PARL: variants seen among roughly 807,000 people sequenced by gnomAD.
PARL encodes presenilin-associated rhomboid-like protein, mitochondrial.
A neutral mutation model predicts 51.6 loss-of-function variants in PARL; 44 were observed. That is an observed-to-expected ratio of 0.85 (90% CI 0.67 to 1.10). The LOEUF (loss-of-function observed/expected upper bound fraction) is 1.10. Among genes scored for constraint, PARL ranks in the 50% least tolerant of loss-of-function variants. The pLI, the probability that PARL is intolerant of heterozygous loss-of-function variation, is 0.00. For missense variants in PARL, 441 were observed against 469.5 expected, an observed-to-expected ratio of 0.94 and a Z score of 0.56; for synonymous variants, 172 against 164.0, an observed-to-expected ratio of 1.05 and a Z score of -0.37.
intron 7 of PARL, among the ~76,000 whole-genome samples, chr3:183,840,000 G>A (rs1368528645): frequency 6.6e-6 from 1 of 152,166 alleles, no homozygotes; most frequent in Non-Finnish European, 1.5e-5. Context: ...AAAGTGCTGG[G>A]ATTACAGGTG....
chr3:183,850,454 C>A (rs1730420811), intron 4 of PARL, among the ~76,000 whole-genome samples: 1 of 152,174 alleles, frequency 6.6e-6, no homozygotes, highest in Non-Finnish European at 1.5e-5. Context: ...GTAATATGAT[C>A]TCTCTGTAAC....
At position 183,842,625 on chromosome 3, in the gene PARL, T is replaced by C. The variant is rs980792406; in HGVS notation, c.608-178A>G. ...GAGTTCAAGACCAGCCTGGCCAACA[T>C]AGTCAAACCCCATCTCTATTAAAAA... On this transcript the variant is annotated intron_variant, in intron 5 of 9. Coordinates refer to ENST00000317096, the MANE Select transcript of PARL (RefSeq NM_018622.7). 1.1e-4 allele frequency among the ~76,000 whole-genome samples: 17 copies of C among 151,652 alleles called. No homozygotes were observed. The South Asian group carries it at 1.5e-3, about 13-fold the overall frequency.
At chr3:183,872,616 C>A (rs1360335048) in intron 1 of PARL, among the ~76,000 whole-genome samples, 2 of 152,274 alleles carry the variant, frequency 1.3e-5, no homozygotes, top group Middle Eastern at 3.4e-3. Context: ...AATCCCAAAT[C>A]TATTTCCAAC....
intron 4 of PARL, among the ~76,000 whole-genome samples, chr3:183,858,921 C>T (rs1731473827): frequency 6.6e-6 from 1 of 151,794 alleles, no homozygotes; most frequent in Non-Finnish European, 1.5e-5. Context: ...AAAAAAAATC[C>T]CCAAACAAAC....
intron 4 of PARL, chr3:183,846,796 T>G (rs1730003111): frequency 5.4e-6 from 1 of 184,494 alleles, no homozygotes; most frequent in African/African-American, 2.4e-5. Flanking sequence ...ACTTAACAAA[T>G]TTAAAAGAAA....
intron 4 of PARL, chr3:183,856,457 G>T (rs1731195518): frequency 6.6e-6 from 1 of 152,316 alleles, no homozygotes; most frequent in Non-Finnish European, 1.5e-5. Context: ...AACCAGGCAG[G>T]TGCAAAGATC....
In PARL at chr3:183,852,474, C is replaced by T. The variant is rs192473223; in HGVS notation, c.512-8148G>A. Among the ~76,000 whole-genome samples the T allele has an allele frequency of 1.2e-3, 179 of 152,076 alleles. 1 individual carries two copies. Among genetic ancestry groups the T allele is most frequent in the Non-Finnish European group, 2.0e-3 (139 of 67,990 alleles). On this transcript the variant is annotated intron_variant, in intron 4 of 9. Transcript: ENST00000317096. ...ACTCACAGAGACAGAAAGTAGAATG[C>T]GGTTACTAGTGGCTGAGGGGAGGGG...
At chr3:183,870,347 T>C (rs1034450631) in intron 1 of PARL, among the ~76,000 whole-genome samples, 3 of 150,260 alleles carry the variant, frequency 2.0e-5, no homozygotes, top group African/African-American at 7.4e-5. Flanking sequence ...AAAAGCCAAC[T>C]CTATCAAAAA....
chr3:183,862,742 C>G lies in PARL; in HGVS notation c.511+11G>C. The G allele has an allele frequency of 6.2e-7, 1 of 1,609,520 alleles. No homozygotes were observed. Among genetic ancestry groups the G allele is most frequent in the African/African-American group, 1.3e-5 (1 of 74,988 alleles). On this transcript the variant is annotated intron_variant, in intron 4 of 9. Coordinates refer to ENST00000317096, the MANE Select transcript of PARL (RefSeq NM_018622.7). ...CCCTTGAATGGTTAAAACGTGTAAG[C>G]TAACACAAACCTGTCACAGTCCGCT...
At chr3:183,839,950 G>T (rs1004270058) in intron 7 of PARL, among the ~76,000 whole-genome samples, 1 of 151,898 alleles carries the variant, frequency 6.6e-6, no homozygotes, top group African/African-American at 2.4e-5. Context: ...ACCAGGGCTG[G>T]TTTCGAATTC....
In PARL at chr3:183,884,800, G is replaced by T. The variant is rs750680443; in HGVS notation, c.47C>A (p.Ala16Glu). The T allele has an allele frequency of 4.4e-6, 7 of 1,594,592 alleles. No homozygotes were observed. Among genetic ancestry groups the T allele is most frequent in the Non-Finnish European group, 5.1e-6 (6 of 1,177,410 alleles). The change falls in exon 1 of 10, where the codon GCG becomes GAG. Residue 16 changes from alanine (A) to glutamate (E), a missense_variant. Ala to Glu is a moderately radical substitution (Grantham distance 107). Coordinates refer to ENST00000317096, the MANE Select transcript of PARL (RefSeq NM_018622.7). ...GCGGCCGCCCACCGACGCACCCCAC[G>T]CCTGGCCGCAGCCCCAGCCTCTCTG... ...WAQRGWGCGQ[A>E]WGASVGGRSC...
chr3:183,840,297 T>G (rs1577297093), intron 7 of PARL, among the ~76,000 whole-genome samples: 1 of 152,204 alleles, frequency 6.6e-6, no homozygotes, highest in Admixed American at 6.5e-5. Flanking sequence ...ACACTTACTG[T>G]TCTGAGATAT....
chr3:183,878,924 C>T (rs1264699801), intron 1 of PARL, among the ~76,000 whole-genome samples: 1 of 152,144 alleles, frequency 6.6e-6, no homozygotes, highest in African/African-American at 2.4e-5. Flanking sequence ...TTCTATCTGA[C>T]CTTTTACAAA....
Position 183,863,427 on chromosome 3 carries a change from C to T in PARL, c.463-626G>A, listed in dbSNP as rs1040035866. 3.3e-5 allele frequency among the ~76,000 whole-genome samples: 5 copies of T among 151,888 alleles called. No individual in the cohort carries two copies. The South Asian group carries it at 8.3e-4, about 25-fold the overall frequency. On this transcript the variant is annotated intron_variant, in intron 3 of 9. Coordinates refer to ENST00000317096, the MANE Select transcript of PARL (RefSeq NM_018622.7). ...TGTCTTGGGGAACACTGAAGCTGGA[C>T]GATAATGATTCATCATACTATTCTC...
chr3:183,840,191 C>T (rs973840383), intron 7 of PARL, among the ~76,000 whole-genome samples: 1 of 152,148 alleles, frequency 6.6e-6, no homozygotes, highest in Non-Finnish European at 1.5e-5. Context: ...AGTAGGCACT[C>T]CAATATTGAC....
Position 183,829,709 on chromosome 3 carries a change from T to C in PARL, c.1029A>G (p.Ile343Met), listed in dbSNP as rs943188791. ...AAHLGGALFGIWYVTYGHELI... is the reference protein window; with the variant it reads ...AAHLGGALFGMWYVTYGHELI... ...GTTCATGACCGTAAGTAACATACCA[T>C]CTGGAGAAAAACAAACCAGGTCCGA... The change falls in exon 10 of 10, where the codon ATA (isoleucine) becomes ATG (methionine). Residue 343 changes from isoleucine to methionine, a missense_variant and splice_region_variant. Transcript: ENST00000317096. 1 of 1,613,736 alleles carries C rather than the reference T, an allele frequency of 6.2e-7. No individual in the cohort carries two copies. The highest frequency in any genetic ancestry group is 8.5e-7 in the Non-Finnish European group (1 of 1,179,690).
At chr3:183,881,994 A>G (rs1734486955) in intron 1 of PARL, among the ~76,000 whole-genome samples, 1 of 151,756 alleles carries the variant, frequency 6.6e-6, no homozygotes, top group African/African-American at 2.4e-5. Flanking sequence ...TGAGACCAGG[A>G]GTTCGAGACC....
rs755366564 is a variant in PARL at position 183,833,833 on chromosome 3, G to GT, written c.829-9dup. On this transcript the variant is annotated splice_polypyrimidine_tract_variant and intron_variant, in intron 7 of 9. Transcript: ENST00000317096. ...TGTCATGATGGCACCAGACTGCAAA[G>GT]TAACACAGCAGGGAGAATGGGAAAC... 1.3e-6 allele frequency: 2 copies of GT among 1,575,282 alleles called. No homozygotes were observed. Among genetic ancestry groups the GT allele is most frequent in the Non-Finnish European group, 1.7e-6 (2 of 1,144,424 alleles).
intron 7 of PARL, 66 bp downstream of exon 7, chr3:183,840,504 G>C: frequency 1.3e-6 from 1 of 778,290 alleles, no homozygotes; most frequent in Non-Finnish European, 2.1e-6. Context: ...ATTCTTCTAA[G>C]TCTAAACTTA....
Sources: allele counts gnomAD v4.1 joint callset (sites outside exome capture counted in the v4.1 genomes callset), GRCh38; gene constraint gnomAD v4.1.1; transcripts MANE v1.5; gene names NCBI Gene and HGNC (gene_info 2026-07-23, HGNC 2026-07-21).